Variants in GPATCH2L observed in about 807,000 individuals in gnomAD.
The protein encoded by GPATCH2L is G patch domain-containing protein 2-like.
In GPATCH2L, 31 loss-of-function variants were observed where a neutral mutation model predicts 57.4. That is an observed-to-expected ratio of 0.54 (90% CI 0.41 to 0.73). The LOEUF (loss-of-function observed/expected upper bound fraction) is 0.73, where lower values mean the gene tolerates loss of function less well. Among genes scored for constraint, GPATCH2L ranks in the 30% least tolerant of loss-of-function variants. The probability of loss-of-function intolerance (pLI) is 0.00; values close to 1 mark genes in which losing one functional copy is unlikely to be tolerated. For synonymous variants in GPATCH2L, 199 were observed against 210.7 expected (o/e 0.94, Z 0.48); for missense variants, 481 against 599.9 (o/e 0.80, Z 2.07).
rs1219134530 is a variant in GPATCH2L at position 76,195,982 on chromosome 14, T to G, written c.1288+10T>G. 6 of 1,589,220 alleles carry G rather than the reference T, an allele frequency of 3.8e-6. No individual in the cohort carries two copies. The highest frequency in any genetic ancestry group is 5.2e-6 in the Non-Finnish European group (6 of 1,157,476). ...TCTAGCCCCAGTGCAGGTGATTACA[T>G]GCAGTTATCATTTATTGAGCATGTA... On this transcript the variant is annotated intron_variant, in intron 9 of 9. Coordinates refer to ENST00000261530, the MANE Select transcript of GPATCH2L (RefSeq NM_017926.4).
At chr14:76,189,613 T>A (rs2039890335) in intron 8 of GPATCH2L, among the ~76,000 whole-genome samples, 1 of 152,076 alleles carries the variant, frequency 6.6e-6, no homozygotes, top group Admixed American at 6.6e-5. Context: ...AGTCTTTAGG[T>A]TTTTCCAAAT....
intron 2 of GPATCH2L, chr14:76,230,091 G>A (rs11845308): frequency 0.99 from 151,196 of 152,372 alleles, 75,026 homozygotes; most frequent in Middle Eastern, 1. Context: ...CGTTAGCCTC[G>A]CTGACACAGC....
chr14:76,225,973 G>C (rs955355765), intron 1 of GPATCH2L, among the ~76,000 whole-genome samples: 1 of 152,186 alleles, frequency 6.6e-6, no homozygotes, highest in African/African-American at 2.4e-5. Flanking sequence ...ACTAAGTAAG[G>C]ATACGGAGCA....
chr14:76,235,133 A>G (rs985843812), intron 2 of GPATCH2L, among the ~76,000 whole-genome samples: 4 of 148,896 alleles, frequency 2.7e-5, no homozygotes, highest in Non-Finnish European at 5.9e-5. Context: ...ACGCCGTTGC[A>G]CTCCAGACTG....
At chr14:76,190,570 A>G (rs2039929205) in intron 8 of GPATCH2L, among the ~76,000 whole-genome samples, 1 of 152,158 alleles carries the variant, frequency 6.6e-6, no homozygotes, top group Non-Finnish European at 1.5e-5. Flanking sequence ...CAGAACAGGC[A>G]TAGCCTGTCT....
intron 2 of GPATCH2L, among the ~76,000 whole-genome samples, chr14:76,231,625 A>ACACACACAC (rs1309118274): frequency 2.0e-5 from 3 of 148,758 alleles, no homozygotes; most frequent in Non-Finnish European, 4.4e-5. Flanking sequence ...AAACACATAC[A>ACACACACAC]CACACACACA....
chr14:76,233,552 G>A (rs535705283), intron 2 of GPATCH2L, among the ~76,000 whole-genome samples: 45 of 152,134 alleles, frequency 3.0e-4, no homozygotes, highest in Admixed American at 2.7e-3. Flanking sequence ...TCAACTCCTG[G>A]GAATTCTACC....
intron 3 of GPATCH2L, chr14:76,170,510 C>A (rs531792228): frequency 6.6e-6 from 1 of 152,164 alleles, no homozygotes; most frequent in Non-Finnish European, 1.5e-5. Context: ...TGTTAATTAA[C>A]AAATGGCCTT....
intron 1 of GPATCH2L, among the ~76,000 whole-genome samples, chr14:76,222,340 C>T (rs1011699802): frequency 1.6e-4 from 24 of 152,186 alleles, no homozygotes; most frequent in African/African-American, 4.6e-4. Flanking sequence ...GGCATGGTGG[C>T]TCGTGCCTGT....
rs887433879 is a variant in GPATCH2L at position 76,214,226 on chromosome 14, A to G, written c.*12375A>G. ...CATCCTATCCAAGAATAGGAGATGT[A>G]TTTCCATTTATTCAAGTCTATTTTG... On this transcript the variant is annotated 3_prime_UTR_variant, in exon 10 of 10. Coordinates refer to ENST00000261530, the MANE Select transcript of GPATCH2L (RefSeq NM_017926.4). 1.3e-5 allele frequency: 2 copies of G among 152,154 alleles called. No individual in the cohort carries two copies. The highest frequency in any genetic ancestry group is 2.9e-5 in the Non-Finnish European group (2 of 68,016). The allele number at this position is 152,154 out of a possible 1,614,324, so 9.4% of individuals were successfully genotyped here. A position where few individuals can be genotyped will look rare whatever the true frequency, so the allele number is the denominator to read the frequency against.
chr14:76,194,183 A>G (rs1053192027), intron 8 of GPATCH2L, among the ~76,000 whole-genome samples: 5 of 152,194 alleles, frequency 3.3e-5, no homozygotes, highest in Non-Finnish European at 4.4e-5. Context: ...TATGCAAGGT[A>G]TGAAAAAGGA....
intron 1 of GPATCH2L, chr14:76,153,942 A>G (rs974244035): frequency 1.3e-5 from 2 of 157,424 alleles, no homozygotes; most frequent in South Asian, 1.9e-4. Flanking sequence ...TTGAAGTTGT[A>G]TGTTTTTCTG....
downstream of GPATCH2L, among the ~76,000 whole-genome samples, chr14:76,214,816 T>G (rs544546326): frequency 3.9e-5 from 6 of 152,336 alleles, no homozygotes; most frequent in South Asian, 1.0e-3. Context: ...CAGTTTTATC[T>G]TCTTAGCTTA....
At chr14:76,221,505 C>A (rs2040515234) in intron 1 of GPATCH2L, among the ~76,000 whole-genome samples, 1 of 152,162 alleles carries the variant, frequency 6.6e-6, no homozygotes, top group African/African-American at 2.4e-5. Flanking sequence ...TGGTATTTAT[C>A]CAAATGAGCT....
chr14:76,199,955 C>T (rs766817554), intron 9 of GPATCH2L, among the ~76,000 whole-genome samples: 19 of 152,092 alleles, frequency 1.2e-4, no homozygotes, highest in Non-Finnish European at 1.9e-4. Flanking sequence ...CACAATTTGC[C>T]GTATATATAC....
chr14:76,192,137 T>TA (rs1371201795), intron 8 of GPATCH2L, among the ~76,000 whole-genome samples: 2 of 150,836 alleles, frequency 1.3e-5, no homozygotes, highest in African/African-American at 4.9e-5. Context: ...TTTTTTTTTT[T>TA]AAACGCCTGA....
At position 76,226,193 on chromosome 14, in the gene GPATCH2L, T is replaced by C. The variant is rs148272491; in HGVS notation, c.66-3615T>C. On this transcript the variant is annotated intron_variant and NMD_transcript_variant, in intron 1 of 3. Transcript: ENST00000556372. ...CAGTACTACATATAACAGTGAAAAC[T>C]GGAAATGATACCAACACCCATCAAC... Among the ~76,000 whole-genome samples, 607 of 152,216 alleles carry C rather than the reference T, an allele frequency of 4.0e-3. 3 individuals carry two copies. The highest frequency in any genetic ancestry group is 0.014 in the African/African-American group (564 of 41,540).
intron 6 of GPATCH2L, chr14:76,177,760 A>G (rs1055616): frequency 0.17 from 99,579 of 597,904 alleles, 8,964 homozygotes; most frequent in African/African-American, 0.3. Flanking sequence ...TCCTCCTCTG[A>G]TTACATCTTT....
At chr14:76,215,865 A>G (rs200408624), downstream of GPATCH2L, among the ~76,000 whole-genome samples, 1 of 151,504 alleles carries the variant, frequency 6.6e-6, no homozygotes, top group Admixed American at 6.6e-5. Flanking sequence ...ATGTATACAT[A>G]TGTAACCTGC....
Sources: gnomAD v4.1 joint callset for allele counts (sites outside exome capture counted in the v4.1 genomes callset) on GRCh38, gnomAD v4.1.1 for gene constraint, MANE v1.5 for transcripts, NCBI Gene and HGNC (gene_info 2026-07-23, HGNC 2026-07-21) for gene names.